DLG2: variants seen among roughly 807,000 people sequenced by gnomAD.
DLG2 encodes disks large homolog 2.
Under a neutral mutation model 132.5 loss-of-function variants are expected in DLG2, and 45 were observed. That is an observed-to-expected ratio of 0.34 (90% CI 0.27 to 0.44). The LOEUF (loss-of-function observed/expected upper bound fraction) is 0.44, where lower values mean the gene tolerates loss of function less well. Among genes scored for constraint, DLG2 ranks in the 20% least tolerant of loss-of-function variants. The pLI is 1.00. For missense variants in DLG2, 1,045 were observed against 1,196.9 expected (o/e 0.87, Z 1.87); for synonymous variants, 424 against 419.6 (o/e 1.01, Z -0.13).
At chr11:84,699,546 T>C (rs2058985110) in intron 6 of DLG2, among the ~76,000 whole-genome samples, 1 of 151,212 alleles carries the variant, frequency 6.6e-6, no homozygotes, top group African/African-American at 2.4e-5. Context: ...ACTGTTGGAG[T>C]TCTTATTCCA....
rs144458058 is a variant in DLG2 at position 83,923,986 on chromosome 11, C to T, written c.1496+6342G>A. The stretch of plus-strand genomic sequence containing the variant: ...CCTTTTTCTCCAACCTTATCACCCA[C>T]CCAATAGCCCTCAGCCACACAGGTA... On this transcript the variant is annotated intron_variant, in intron 15 of 27. Transcript: ENST00000376104. 5.7e-3 allele frequency among the ~76,000 whole-genome samples: 873 copies of T among 152,198 alleles called. 8 individuals are homozygous for T. Among genetic ancestry groups the T allele is most frequent in the African/African-American group, 0.02 (827 of 41,552 alleles).
chr11:84,041,482 G>T (rs1215825613), intron 11 of DLG2, among the ~76,000 whole-genome samples: 1 of 151,782 alleles, frequency 6.6e-6, no homozygotes, highest in Non-Finnish European at 1.5e-5. Context: ...TTGAATGTGG[G>T]CAATTTGATA....
intron 3 of DLG2, among the ~76,000 whole-genome samples, chr11:85,348,912 C>G (rs1473585852): frequency 6.6e-6 from 1 of 152,112 alleles, no homozygotes; most frequent in Non-Finnish European, 1.5e-5. Flanking sequence ...TTCTAACATG[C>G]AAATTTGATT....
intron 15 of DLG2, among the ~76,000 whole-genome samples, chr11:83,893,623 T>C (rs953447209): frequency 6.6e-6 from 1 of 152,238 alleles, no homozygotes; most frequent in Non-Finnish European, 1.5e-5. Flanking sequence ...TCCATATCAC[T>C]GATTACTCAC....
intron 18 of DLG2, among the ~76,000 whole-genome samples, chr11:83,751,000 T>C (rs756102628): frequency 3.9e-5 from 6 of 152,210 alleles, no homozygotes; most frequent in Non-Finnish European, 7.3e-5. Context: ...TGAACTTCTC[T>C]TCTAATGAGA....
chr11:83,589,499 A>T lies in DLG2; in HGVS notation c.1940+43712T>A, dbSNP rs1474688270. Among the ~76,000 whole-genome samples, 955 of 152,308 alleles carry T rather than the reference A, an allele frequency of 6.3e-3. 8 individuals carry two copies. Among genetic ancestry groups the T allele is most frequent in the African/African-American group, 0.021 (882 of 41,560 alleles). ...AGAGCTCCTGAAGGAAGCACTAAAC[A>T]TGGAAAGGAACAACCGGAACCAGCC... On this transcript the variant is annotated intron_variant, in intron 19 of 27. Coordinates refer to ENST00000376104, the MANE Select transcript of DLG2 (RefSeq NM_001142699.3).
chr11:84,193,638 C>T (rs146998542), intron 8 of DLG2, among the ~76,000 whole-genome samples: 2 of 152,282 alleles, frequency 1.3e-5, no homozygotes, highest in African/African-American at 2.4e-5. Context: ...TAGAATTTTA[C>T]CTAAGAAACA....
At chr11:84,676,606 G>C (rs1175005997) in intron 6 of DLG2, among the ~76,000 whole-genome samples, 1 of 152,032 alleles carries the variant, frequency 6.6e-6, no homozygotes, top group Non-Finnish European at 1.5e-5. Context: ...CATTCTTCTA[G>C]GTGCCTTGAA....
chr11:84,450,277 A>G (rs1025798218), intron 7 of DLG2, among the ~76,000 whole-genome samples: 1 of 151,946 alleles, frequency 6.6e-6, no homozygotes, highest in African/African-American at 2.4e-5. Context: ...ATGACAAAAA[A>G]AATAAATAAA....
At position 85,599,348 on chromosome 11, in the gene DLG2, T is replaced by C. The variant is rs1019777705; in HGVS notation, c.-92-560A>G. On this transcript the variant is annotated intron_variant, in intron 2 of 27. Transcript: ENST00000376104. ...CTTGCTCTCTCCCCCACCTCTCTCT[T>C]TCTCTCTCTCTCTCTCTCTCTACTT... is the stretch of plus-strand genomic sequence containing the variant. Among the ~76,000 whole-genome samples the C allele has an allele frequency of 4.9e-4, 73 of 147,612 alleles. 1 individual carries two copies. The highest frequency in any genetic ancestry group is 3.4e-3 in the Middle Eastern group (1 of 290).
intron 7 of DLG2, among the ~76,000 whole-genome samples, chr11:84,519,588 C>T (rs921559368): frequency 1.3e-5 from 2 of 152,122 alleles, no homozygotes; most frequent in African/African-American, 4.8e-5. Context: ...CCCTAAAATC[C>T]TTCTCATCTA....
intron 6 of DLG2, among the ~76,000 whole-genome samples, chr11:85,060,345 T>C (rs2063930760): frequency 6.6e-6 from 1 of 150,420 alleles, no homozygotes; most frequent in African/African-American, 2.4e-5. Flanking sequence ...TACATATATG[T>C]ATATATAATG....
intron 7 of DLG2, among the ~76,000 whole-genome samples, chr11:84,471,178 A>G (rs1307857963): frequency 1.3e-5 from 2 of 151,678 alleles, no homozygotes; most frequent in African/African-American, 2.4e-5. Flanking sequence ...TTAATGGACA[A>G]TTCTCCATAG....
At chr11:84,963,230 G>T (rs925765652) in intron 6 of DLG2, among the ~76,000 whole-genome samples, 1 of 152,136 alleles carries the variant, frequency 6.6e-6, no homozygotes, top group Non-Finnish European at 1.5e-5. Flanking sequence ...ATGTGTCTAT[G>T]GTAACATATG....
chr11:84,833,719 A>G (rs1050210752), intron 6 of DLG2, among the ~76,000 whole-genome samples: 7 of 151,558 alleles, frequency 4.6e-5, no homozygotes, highest in African/African-American at 1.5e-4. Flanking sequence ...AAGATAATGG[A>G]AAGTTGGTTT....
In DLG2 at chr11:85,611,060, A is replaced by G. The variant is rs1270738882; in HGVS notation, c.-92-12272T>C. On this transcript the variant is annotated intron_variant, in intron 2 of 27. Transcript: ENST00000376104. Reference sequence around the variant, plus strand: ...AGCTTTAAGCCTTCCCACAGGACAAAACTTATCTCTATATGTCACAGAGAC... The same window carrying G: ...AGCTTTAAGCCTTCCCACAGGACAAGACTTATCTCTATATGTCACAGAGAC... Among the ~76,000 whole-genome samples, 3 of 152,134 alleles carry G rather than the reference A, an allele frequency of 2.0e-5. No individual in the cohort carries two copies. In the East Asian group the frequency reaches 5.8e-4, roughly 29 times the overall value.
chr11:85,364,393 C>A (rs2084380335), intron 3 of DLG2, among the ~76,000 whole-genome samples: 1 of 152,158 alleles, frequency 6.6e-6, no homozygotes, highest in Admixed American at 6.5e-5. Context: ...TAAGAAGCAG[C>A]CCTTAACTAA....
chr11:84,503,020 C>A (rs999737920), intron 7 of DLG2, among the ~76,000 whole-genome samples: 4 of 152,096 alleles, frequency 2.6e-5, no homozygotes, highest in African/African-American at 4.8e-5. Flanking sequence ...CTAAGTGGGA[C>A]TGAAGAGATT....
intron 18 of DLG2, among the ~76,000 whole-genome samples, chr11:83,697,575 C>A (rs1037738852): frequency 6.6e-6 from 1 of 152,122 alleles, no homozygotes; most frequent in African/African-American, 2.4e-5. Context: ...CAACCCCTTA[C>A]GTATAACAAG....
Sources: allele counts gnomAD v4.1 joint callset (sites outside exome capture counted in the v4.1 genomes callset), GRCh38; gene constraint gnomAD v4.1.1; transcripts MANE v1.5; gene names NCBI Gene and HGNC (gene_info 2026-07-23, HGNC 2026-07-21).